SNX29: variants seen among roughly 807,000 people sequenced by gnomAD.
The protein encoded by SNX29 is sorting nexin 29.
SNX29 carries 78 observed loss-of-function variants against 102.1 expected under a neutral mutation model. The ratio of observed to expected loss-of-function variants is 0.76; its 90% CI spans 0.64 to 0.92. The LOEUF (loss-of-function observed/expected upper bound fraction) is 0.92, where lower values mean the gene tolerates loss of function less well. Ranked by LOEUF, SNX29 falls within the 40% of genes least tolerant of loss-of-function variation. The pLI is 0.00. For synonymous variants in SNX29, 580 were observed against 414.5 expected (o/e 1.40, Z -4.85); for missense variants, 1,280 against 1,061.7 (o/e 1.21, Z -2.86).
intron 18 of SNX29, among the ~76,000 whole-genome samples, chr16:12,407,840 C>A (rs1028357071): frequency 1.3e-4 from 20 of 152,292 alleles, no homozygotes; most frequent in African/African-American, 4.6e-4. Flanking sequence ...AGCAGCTGTG[C>A]ATGATGGCAT....
Position 12,447,224 on chromosome 16 carries a change from C to T in SNX29, c.2038-30495C>T, listed in dbSNP as rs188563479. Reference sequence around the variant, plus strand: ...TAAAATAAATGCTACAGACCAGCACCATTTCTTAAATACAAACTTTGATTC... The same window carrying T: ...TAAAATAAATGCTACAGACCAGCACTATTTCTTAAATACAAACTTTGATTC... On this transcript the variant is annotated intron_variant, in intron 18 of 20. Transcript: ENST00000566228. Among the ~76,000 whole-genome samples the T allele has an allele frequency of 7.7e-5, 11 of 142,676 alleles. No individual in the cohort carries two copies. The East Asian group carries it at 1.9e-3, about 25-fold the overall frequency. The allele number at this position is 142,676 out of a possible 152,430, so 93.6% of individuals were successfully genotyped here. A position where few individuals can be genotyped will look rare whatever the true frequency, so the allele number is the denominator to read the frequency against.
rs550472713 is a variant in SNX29 at position 12,014,923 on chromosome 16, C to G, written c.122+11880C>G. ...TGAAAACTGCTGCCTTGTGAGTTAT[C>G]ACTGTTGCAAAGCATGAATTTTTTT... On this transcript the variant is annotated intron_variant, in intron 3 of 20. Coordinates refer to ENST00000566228, the MANE Select transcript of SNX29 (RefSeq NM_032167.5). 1.9e-3 allele frequency among the ~76,000 whole-genome samples: 296 copies of G among 152,102 alleles called. 2 individuals are homozygous for G. The highest frequency in any genetic ancestry group is 1.6e-3 in the Non-Finnish European group (111 of 68,006).
chr16:12,091,970 C>T (rs1038389701), intron 11 of SNX29, among the ~76,000 whole-genome samples: 3 of 152,200 alleles, frequency 2.0e-5, no homozygotes, highest in African/African-American at 4.8e-5. Context: ...CACAGTGCAC[C>T]GGGTCCATGG....
intron 14 of SNX29, among the ~76,000 whole-genome samples, chr16:12,204,212 G>A (rs1489727636): frequency 6.6e-6 from 1 of 152,174 alleles, no homozygotes; most frequent in East Asian, 1.9e-4. Context: ...AGCTGTGCCT[G>A]GCGTGACAGT....
At chr16:12,489,877 C>G (rs2088454858) in intron 19 of SNX29, among the ~76,000 whole-genome samples, 1 of 152,120 alleles carries the variant, frequency 6.6e-6, no homozygotes, top group Admixed American at 6.5e-5. Flanking sequence ...GTGATCTTGG[C>G]TCACCGCAAC....
At chr16:12,276,570 A>G (rs2079258446) in intron 14 of SNX29, among the ~76,000 whole-genome samples, 1 of 152,092 alleles carries the variant, frequency 6.6e-6, no homozygotes, top group South Asian at 2.1e-4. Context: ...GCCCCTCCAT[A>G]CAGCTGATAG....
At chr16:12,204,482 A>G (rs2076996367) in intron 14 of SNX29, among the ~76,000 whole-genome samples, 1 of 152,130 alleles carries the variant, frequency 6.6e-6, no homozygotes, top group African/African-American at 2.4e-5. Flanking sequence ...ATAACTGTTC[A>G]TGGCCACCAT....
At chr16:12,540,889 G>C (rs1008489608) in intron 20 of SNX29, among the ~76,000 whole-genome samples, 1 of 152,210 alleles carries the variant, frequency 6.6e-6, no homozygotes, top group Admixed American at 6.5e-5. Context: ...TGGACCCAGA[G>C]CTGGAGGGCT....
At chr16:12,555,655 T>C (rs1272082967) in intron 20 of SNX29, among the ~76,000 whole-genome samples, 2 of 152,054 alleles carry the variant, frequency 1.3e-5, no homozygotes, top group Non-Finnish European at 2.9e-5. Flanking sequence ...TGCCAGACCC[T>C]GTCACTCCTG....
intron 19 of SNX29, among the ~76,000 whole-genome samples, chr16:12,520,792 C>G (rs759371704): frequency 6.6e-6 from 1 of 151,970 alleles, no homozygotes; most frequent in Non-Finnish European, 1.5e-5. Context: ...ACTTTGGGGA[C>G]TCAGGCGTGG....
At position 12,154,374 on chromosome 16, in the gene SNX29, C is replaced by T. The variant is rs28700068; in HGVS notation, c.1595+24616C>T. 3.8e-3 allele frequency among the ~76,000 whole-genome samples: 585 copies of T among 152,310 alleles called. 7 individuals carry two copies. Among genetic ancestry groups the T allele is most frequent in the African/African-American group, 0.013 (551 of 41,556 alleles). ...CCCCACAGTGGGAGCTGGCTTCCCT[C>T]TCCCCTCTGACACCCCTGAGGTGGA... is the stretch of plus-strand genomic sequence containing the variant. On this transcript the variant is annotated intron_variant, in intron 13 of 20. Coordinates refer to ENST00000566228, the MANE Select transcript of SNX29 (RefSeq NM_032167.5).
rs141136025 is a variant in SNX29 at position 12,083,631 on chromosome 16, A to G, written c.1402+4716A>G. Among the ~76,000 whole-genome samples the G allele has an allele frequency of 1.1e-4, 16 of 152,304 alleles. No individual in the cohort carries two copies. In the East Asian group the frequency reaches 3.1e-3, roughly 29 times the overall value. On this transcript the variant is annotated intron_variant, in intron 11 of 20. Transcript: ENST00000566228. ...ACTGGTTCATTAGGGAAGGGATGCA[A>G]TTCAGTCCATAGCATGAGTTGTCCC...
intron 10 of SNX29, among the ~76,000 whole-genome samples, chr16:12,078,042 A>G (rs575125263): frequency 6.6e-6 from 1 of 152,348 alleles, no homozygotes; most frequent in Non-Finnish European, 1.5e-5. Flanking sequence ...AGCCAGCAGC[A>G]CTGTAAGCCA....
chr16:12,534,214 C>G (rs551333711), intron 20 of SNX29, among the ~76,000 whole-genome samples: 68 of 152,322 alleles, frequency 4.5e-4, no homozygotes, highest in Non-Finnish European at 7.2e-4. Context: ...GAGAAAGGGT[C>G]CATTGGAGTA....
intron 19 of SNX29, among the ~76,000 whole-genome samples, chr16:12,482,148 G>A (rs192541599): frequency 2.2e-4 from 33 of 152,318 alleles, no homozygotes; most frequent in African/African-American, 6.3e-4. Context: ...AATCCGCCAC[G>A]TCAGAATCTT....
chr16:12,545,870 C>T (rs897484173), intron 20 of SNX29, among the ~76,000 whole-genome samples: 5 of 152,056 alleles, frequency 3.3e-5, no homozygotes, highest in Admixed American at 6.6e-5. Flanking sequence ...GAGGGTGAGC[C>T]TAAGCCGTGG....
Position 12,569,443 on chromosome 16 carries a change from T to C in SNX29, c.*814T>C, listed in dbSNP as rs1391109724. The C allele has an allele frequency of 4.3e-6, 1 of 230,876 alleles. No individual in the cohort carries two copies. Among genetic ancestry groups the C allele is most frequent in the African/African-American group, 2.2e-5 (1 of 45,200 alleles). The allele number at this position is 230,876 out of a possible 1,614,324, so 14.3% of individuals were successfully genotyped here. On this transcript the variant is annotated 3_prime_UTR_variant, in exon 21 of 21. Coordinates refer to ENST00000566228, the MANE Select transcript of SNX29 (RefSeq NM_032167.5). ...TCATCCAGCGTGTCCAAAGTAGCAT[T>C]GGCCCTACAGTCATGAGAGACTTGG...
At chr16:12,564,763 T>C (rs11644821) in intron 20 of SNX29, among the ~76,000 whole-genome samples, 145,444 of 152,052 alleles carry the variant, frequency 0.96, 69,718 homozygotes, top group Non-Finnish European at 0.98. Flanking sequence ...TTCTTGGTGA[T>C]TGGCTTTATG....
rs201763568 is a variant in SNX29, at chr16:12,536,027, C to T, written c.2318+11186C>T. On this transcript the variant is annotated intron_variant, in intron 20 of 20. Transcript: ENST00000566228. ...ACACGCACTCGGAGCTATCCCGTTCCTAATTTGATTGCCCATGAGCTGAGC... is the reference window on the plus strand; with the variant it reads ...ACACGCACTCGGAGCTATCCCGTTCTTAATTTGATTGCCCATGAGCTGAGC... Among the ~76,000 whole-genome samples the T allele has an allele frequency of 3.9e-5, 6 of 152,230 alleles. No individual in the cohort carries two copies. In the East Asian group the frequency reaches 7.7e-4, roughly 20 times the overall value.
Sources: allele counts gnomAD v4.1 joint callset (sites outside exome capture counted in the v4.1 genomes callset), GRCh38; gene constraint gnomAD v4.1.1; transcripts MANE v1.5; gene names NCBI Gene and HGNC (gene_info 2026-07-23, HGNC 2026-07-21).